Variants in NBAS observed in about 807,000 individuals in gnomAD.
The protein encoded by NBAS is NAG/BC035112 fusion.
In NBAS, 219 loss-of-function variants were observed where a neutral mutation model predicts 302.5. The observed-to-expected ratio is 0.72, with a 90% CI of 0.65 to 0.81. The LOEUF (loss-of-function observed/expected upper bound fraction) is 0.81. Ranked by LOEUF, NBAS falls within the 30% of genes least tolerant of loss-of-function variation. The pLI is 0.00. For synonymous variants in NBAS, 1,118 were observed against 1,021.6 expected, an observed-to-expected ratio of 1.09 and a Z score of -1.80; for missense variants, 2,932 against 2,841.6, an observed-to-expected ratio of 1.03 and a Z score of -0.72.
chr2:15,319,161 C>T (rs536484216), intron 38 of NBAS, among the ~76,000 whole-genome samples: 186 of 152,178 alleles, frequency 1.2e-3, no homozygotes, highest in African/African-American at 4.4e-3. Context: ...GGGTACATAA[C>T]GAAATGAAGG....
At chr2:14,918,340 G>A in the NBAS span, among the ~76,000 whole-genome samples, 1 of 151,028 alleles carries the variant, frequency 6.6e-6, no homozygotes, top group African/African-American at 2.4e-5. Flanking sequence ...ACAATGTAAT[G>A]GTGTTTTCAT....
At chr2:15,094,075 G>A in the NBAS span, among the ~76,000 whole-genome samples, 71 of 152,260 alleles carry the variant, frequency 4.7e-4, no homozygotes, top group African/African-American at 1.6e-3. Flanking sequence ...TGGAGCCTTC[G>A]TTTCTAGCCA....
At chr2:15,037,916 T>C in the NBAS span, among the ~76,000 whole-genome samples, 2 of 152,104 alleles carry the variant, frequency 1.3e-5, no homozygotes, top group Non-Finnish European at 2.9e-5. Context: ...CACACAGACA[T>C]ACTTGCTAAT....
At chr2:14,897,573 T>C in the NBAS span, among the ~76,000 whole-genome samples, 1 of 152,014 alleles carries the variant, frequency 6.6e-6, no homozygotes, top group Non-Finnish European at 1.5e-5. Context: ...ATAATTTTGG[T>C]TGAGGAAGTA....
chr2:15,360,154 G>A (rs80255576), intron 32 of NBAS, among the ~76,000 whole-genome samples: 3,847 of 152,178 alleles, frequency 0.025, 118 homozygotes, highest in African/African-American at 0.07. Context: ...AGTTTACAGG[G>A]CTGGAAGTTG....
intron 11 of NBAS, among the ~76,000 whole-genome samples, chr2:15,500,196 T>C (rs1394855019): frequency 3.3e-5 from 5 of 152,162 alleles, no homozygotes; most frequent in Non-Finnish European, 7.3e-5. Context: ...GATTTACTAT[T>C]TCCTGTAACT....
chr2:15,182,491 A>G (rs1664875651), intron 50 of NBAS, among the ~76,000 whole-genome samples: 1 of 152,204 alleles, frequency 6.6e-6, no homozygotes, highest in Non-Finnish European at 1.5e-5. Context: ...TGACTTTTAG[A>G]AGCTGGGAAT....
intron 49 of NBAS, among the ~76,000 whole-genome samples, chr2:15,189,845 G>A (rs556766339): frequency 3.6e-4 from 55 of 152,334 alleles, no homozygotes; most frequent in African/African-American, 1.2e-3. Flanking sequence ...CCTTGTAGGT[G>A]TGTTGTGTGA....
At chr2:14,972,828 A>G in the NBAS span, among the ~76,000 whole-genome samples, 1 of 152,250 alleles carries the variant, frequency 6.6e-6, no homozygotes, top group Non-Finnish European at 1.5e-5. Flanking sequence ...GTTAAAGATC[A>G]CTGTAACTGT....
chr2:14,948,198 A>G, the NBAS span, among the ~76,000 whole-genome samples: 1 of 152,042 alleles, frequency 6.6e-6, no homozygotes, highest in Admixed American at 6.5e-5. Flanking sequence ...TCTGGTTTTA[A>G]TATCACTAAT....
intron 40 of NBAS, among the ~76,000 whole-genome samples, chr2:15,300,689 T>A (rs1670756984): frequency 1.3e-5 from 2 of 152,288 alleles, no homozygotes; most frequent in African/African-American, 4.8e-5. Flanking sequence ...GCAAGAGAAT[T>A]CCTGTCTTCA....
At chr2:14,912,214 G>T in the NBAS span, among the ~76,000 whole-genome samples, 1 of 152,184 alleles carries the variant, frequency 6.6e-6, no homozygotes, top group Non-Finnish European at 1.5e-5. Flanking sequence ...TATGCAGTCT[G>T]TCATTGACCA....
intron 21 of NBAS, among the ~76,000 whole-genome samples, chr2:15,438,514 C>T (rs530406629): frequency 2.4e-4 from 36 of 152,194 alleles, no homozygotes; most frequent in Admixed American, 9.8e-4. Context: ...ACTACCACCA[C>T]GATCAACAAC....
At chr2:15,013,478 T>G in the NBAS span, among the ~76,000 whole-genome samples, 2 of 152,140 alleles carry the variant, frequency 1.3e-5, no homozygotes, top group Admixed American at 6.5e-5. Flanking sequence ...AGATTAAAAT[T>G]TGTTTAAAAG....
chr2:14,843,061 G>A, the NBAS span, among the ~76,000 whole-genome samples: 1 of 152,130 alleles, frequency 6.6e-6, no homozygotes, highest in East Asian at 1.9e-4. Context: ...ATCAAGAGTA[G>A]AAACTAAATT....
chr2:15,150,954 G>A, the NBAS span, among the ~76,000 whole-genome samples: 3,686 of 151,134 alleles, frequency 0.024, 163 homozygotes, highest in African/African-American at 0.083. Flanking sequence ...GAACTTTTGC[G>A]GTGAAATTAG....
chr2:15,364,956 T>C (rs1046188069), intron 32 of NBAS, among the ~76,000 whole-genome samples: 1 of 152,158 alleles, frequency 6.6e-6, no homozygotes, highest in Non-Finnish European at 1.5e-5. Context: ...AAACACTCTA[T>C]AAGGTAAAGG....
chr2:15,278,476 G>A (rs977038773), intron 42 of NBAS, among the ~76,000 whole-genome samples: 3 of 152,118 alleles, frequency 2.0e-5, no homozygotes, highest in Admixed American at 2.0e-4. Context: ...TGTGCTGCTT[G>A]ATGGCACAGA....
intron 40 of NBAS, among the ~76,000 whole-genome samples, chr2:15,292,978 C>A (rs1293707052): frequency 6.6e-6 from 1 of 152,090 alleles, no homozygotes; most frequent in Non-Finnish European, 1.5e-5. Flanking sequence ...CAGAACTAGG[C>A]CCAAAAACAG....
Sources: allele counts gnomAD v4.1 joint callset (sites outside exome capture counted in the v4.1 genomes callset), GRCh38; gene constraint gnomAD v4.1.1; transcripts MANE v1.5; gene names NCBI Gene and HGNC (gene_info 2026-07-23, HGNC 2026-07-21).